The following ZKSCAN5 variants were observed in gnomAD, a reference collection of about 807,000 sequenced individuals.
The protein encoded by ZKSCAN5 is zinc finger protein with KRAB and SCAN domains 5.
ZKSCAN5 carries 28 observed loss-of-function variants against 60.0 expected under a neutral mutation model. That is an observed-to-expected ratio of 0.47 (90% CI 0.35 to 0.64). ZKSCAN5 has a LOEUF of 0.64. Ranked by LOEUF, ZKSCAN5 falls within the 30% of genes least tolerant of loss-of-function variation. ZKSCAN5 has a pLI of 0.01. For missense variants in ZKSCAN5, 881 were observed against 1,034.6 expected, an observed-to-expected ratio of 0.85 and a Z score of 2.04; for synonymous variants, 361 against 371.2, an observed-to-expected ratio of 0.97 and a Z score of 0.31.
At chr7:99,506,573 A>AT in intron 2 of ZKSCAN5, 115 bp downstream of exon 2, 1 of 1,323,484 alleles carries the variant, frequency 7.6e-7, no homozygotes, top group Non-Finnish European at 1.0e-6. Context: ...TTCTCCTGGG[A>AT]TTAGGTACCC....
At chr7:99,507,087 C>G (rs1486165625) in intron 2 of ZKSCAN5, among the ~76,000 whole-genome samples, 1 of 152,148 alleles carries the variant, frequency 6.6e-6, no homozygotes, top group Non-Finnish European at 1.5e-5. Flanking sequence ...TCCCCAATTT[C>G]TCTCAACTGC....
At chr7:99,521,808 C>T (rs1801551934) in intron 5 of ZKSCAN5, among the ~76,000 whole-genome samples, 1 of 151,558 alleles carries the variant, frequency 6.6e-6, no homozygotes, top group Admixed American at 6.6e-5. Flanking sequence ...ATTGATTTTT[C>T]ATGGGGCCTT....
chr7:99,520,230 G>T lies in ZKSCAN5; in HGVS notation c.698G>T (p.Gly233Val). 1 of 1,614,168 alleles carries T rather than the reference G, an allele frequency of 6.2e-7. No homozygotes were observed. The highest frequency in any genetic ancestry group is 1.1e-5 in the South Asian group (1 of 91,070). The change falls in exon 5 of 7, where the codon GGG (glycine) becomes GTG (valine). Residue 233 changes from glycine (G) to valine (V), a missense_variant. Physicochemically the swap from Gly to Val is moderately radical, Grantham distance 109. Coordinates refer to ENST00000326775, the MANE Select transcript of ZKSCAN5 (RefSeq NM_145102.4). ...GTATCCTTCATCCTGGAGGAATGGG[G>T]GCATTTGGACCAGTCCCAGAAGTCC... is the stretch of plus-strand genomic sequence containing the variant. Reference protein sequence around the residue: ...VAVSFILEEWGHLDQSQKSLY... With the variant: ...VAVSFILEEWVHLDQSQKSLY...
chr7:99,509,140 C>T (rs542442712), intron 2 of ZKSCAN5, among the ~76,000 whole-genome samples: 1 of 152,208 alleles, frequency 6.6e-6, no homozygotes, highest in Admixed American at 6.5e-5. Context: ...AGACATGCAC[C>T]ACCATGCCCA....
intron 5 of ZKSCAN5, among the ~76,000 whole-genome samples, chr7:99,522,528 C>A (rs1241633536): frequency 6.6e-6 from 1 of 151,006 alleles, no homozygotes; most frequent in Non-Finnish European, 1.5e-5. Context: ...GGGAGCAGTG[C>A]AGTGGTACGA....
rs562919551 is a variant in ZKSCAN5 at position 99,525,637 on chromosome 7, C to A, written c.773-176C>A. On this transcript the variant is annotated intron_variant, in intron 5 of 6. Coordinates refer to ENST00000326775, the MANE Select transcript of ZKSCAN5 (RefSeq NM_145102.4). The stretch of plus-strand genomic sequence containing the variant: ...AACATTTTTTGCCAGCTCTTCCTTC[C>A]CTAACCTCCCTCACTTTTCTGCTTG... Among the ~76,000 whole-genome samples, 66 of 152,000 alleles carry A rather than the reference C, an allele frequency of 4.3e-4. 1 individual carries two copies. The South Asian group carries it at 7.3e-3, about 17-fold the overall frequency.
intron 3 of ZKSCAN5, among the ~76,000 whole-genome samples, chr7:99,512,953 A>G (rs560333548): frequency 2.9e-3 from 426 of 148,176 alleles, no homozygotes; most frequent in Non-Finnish European, 4.6e-3. Context: ...CATTAGGTAT[A>G]TCTCCCAATG....
At chr7:99,519,184 C>T (rs572640865) in intron 3 of ZKSCAN5, among the ~76,000 whole-genome samples, 72 of 151,618 alleles carry the variant, frequency 4.7e-4, no homozygotes, top group African/African-American at 1.7e-3. Flanking sequence ...CCATACAGGC[C>T]GGGCTGGTCT....
chr7:99,517,965 G>A (rs1801338711), intron 3 of ZKSCAN5, among the ~76,000 whole-genome samples: 1 of 152,154 alleles, frequency 6.6e-6, no homozygotes, highest in Non-Finnish European at 1.5e-5. Flanking sequence ...GGTAAGAATT[G>A]TTTTGTCTAT....
At position 99,520,262 on chromosome 7, in the gene ZKSCAN5, A is replaced by T. The variant is rs770801332; in HGVS notation, c.730A>T (p.Arg244Trp). Residue 244 changes from arginine (R) to tryptophan (W), a missense_variant, in exon 5 of 7, where the codon AGG becomes TGG. Transcript: ENST00000326775. The stretch of plus-strand genomic sequence containing the variant: ...GGACCAGTCCCAGAAGTCCCTTTAT[A>T]GGGATGACAGGAAGGAGAACTATGG... ...HLDQSQKSLY[R>W]DDRKENYGSI... 6 of 1,614,150 alleles carry T rather than the reference A, an allele frequency of 3.7e-6. No homozygotes were observed. The South Asian group carries it at 6.6e-5, about 18-fold the overall frequency.
chr7:99,506,918 G>A (rs189879054), intron 2 of ZKSCAN5, among the ~76,000 whole-genome samples: 1 of 147,578 alleles, frequency 6.8e-6, no homozygotes, highest in African/African-American at 2.5e-5. Context: ...GGATGGTCTC[G>A]ATCTCCTGAC....
chr7:99,510,358 T>G (rs1389389111), intron 2 of ZKSCAN5, among the ~76,000 whole-genome samples: 3 of 152,114 alleles, frequency 2.0e-5, no homozygotes, highest in Non-Finnish European at 4.4e-5. Flanking sequence ...GTCAGTCTCC[T>G]GAAGGTTTTA....
At chr7:99,520,025 C>A in intron 4 of ZKSCAN5, 116 bp downstream of exon 4, 1 of 1,496,914 alleles carries the variant, frequency 6.7e-7, no homozygotes. Flanking sequence ...TTCCTTTGGC[C>A]TTTTTCCTTT....
chr7:99,508,628 A>G (rs1800876861), intron 2 of ZKSCAN5, among the ~76,000 whole-genome samples: 1 of 151,460 alleles, frequency 6.6e-6, no homozygotes, highest in South Asian at 2.1e-4. Context: ...ATGCACCTGT[A>G]GTCTCAGCTA....
chr7:99,512,587 A>G lies in ZKSCAN5; in HGVS notation c.549A>G (p.Glu183=). 6.2e-7 allele frequency: 1 copy of G among 1,613,832 alleles called. No individual in the cohort carries two copies. The change falls in exon 3 of 7, where the codon GAA becomes GAG. Residue 183 remains glutamate (E), a synonymous_variant. Coordinates refer to ENST00000326775, the MANE Select transcript of ZKSCAN5 (RefSeq NM_145102.4). The part of the protein sequence containing the change: ...QAPQKPRLLE[E]NALPVLQVPS... ...CACAGAAGCCTCGTCTCCTGGAGGA[A>G]AATGGTGAGGCTCAGTGATTCAGTG...
intron 3 of ZKSCAN5, among the ~76,000 whole-genome samples, chr7:99,518,972 CCCCCA>C: frequency 1.7e-5 from 2 of 116,888 alleles, no homozygotes; most frequent in Admixed American, 9.2e-5. Flanking sequence ...CCGTACCTGG[CCCCCA>C]CCTTTTTTTT....
intron 3 of ZKSCAN5, among the ~76,000 whole-genome samples, chr7:99,516,542 C>A (rs146103221): frequency 5.6e-4 from 85 of 152,204 alleles, no homozygotes; most frequent in African/African-American, 1.9e-3. Context: ...TAAATACCAA[C>A]AGGGTCTAAA....
intron 3 of ZKSCAN5, among the ~76,000 whole-genome samples, chr7:99,513,067 A>T (rs1584174442): frequency 6.9e-6 from 1 of 144,794 alleles, no homozygotes; most frequent in South Asian, 2.1e-4. Context: ...TATGAGTGAG[A>T]ATATGCGGTG....
At position 99,531,159 on chromosome 7, in the gene ZKSCAN5, C is replaced by T. The variant is rs773008286; in HGVS notation, c.1430C>T (p.Ser477Leu). The stretch of plus-strand genomic sequence containing the variant: ...AAATTAAGTGTTAAGAAGAAAATTT[C>T]AGAATATTCAGAAGCAGACATGGAA... ...NTKLSVKKKI[S>L]EYSEADMELS... Residue 477 changes from serine (S) to leucine (L), a missense_variant, in exon 7 of 7, where the codon TCA becomes TTA. Physicochemically the swap from Ser to Leu is moderately radical, Grantham distance 145 (BLOSUM62 -2). This residue lies in a region of ZKSCAN5 where 490 missense variants were observed against 554.5 expected (regional missense o/e 0.88). Transcript: ENST00000326775. 2 of 1,603,966 alleles carry T rather than the reference C, an allele frequency of 1.2e-6. No individual in the cohort carries two copies. Among genetic ancestry groups the T allele is most frequent in the South Asian group, 1.1e-5 (1 of 88,094 alleles).
Sources: allele counts gnomAD v4.1 joint callset (sites outside exome capture counted in the v4.1 genomes callset), GRCh38; gene constraint gnomAD v4.1.1; regional missense constraint gnomAD v4.1.1; transcripts MANE v1.5; gene names NCBI Gene and HGNC (gene_info 2026-07-23, HGNC 2026-07-21).